MYO9B: variants seen among roughly 807,000 people sequenced by gnomAD.
MYO9B encodes the protein unconventional myosin-IXb.
In MYO9B, 71 loss-of-function variants were observed where a neutral mutation model predicts 229.5. That is an observed-to-expected ratio of 0.31 (90% CI 0.26 to 0.38). MYO9B has a LOEUF of 0.38. Ranked by LOEUF, MYO9B falls within the 10% of genes least tolerant of loss-of-function variation. The pLI, the probability that MYO9B is intolerant of heterozygous loss-of-function variation, is 1.00. For synonymous variants in MYO9B, 1,185 were observed against 1,235.8 expected, an observed-to-expected ratio of 0.96 and a Z score of 0.86; for missense variants, 2,255 against 2,920.5, an observed-to-expected ratio of 0.77 and a Z score of 5.25.
intron 1 of MYO9B, among the ~76,000 whole-genome samples, chr19:17,094,886 T>C (rs117773346): frequency 0.016 from 2,439 of 152,082 alleles, 32 homozygotes; most frequent in Non-Finnish European, 0.027. Context: ...GAGACTGCAG[T>C]GAGCCACAAT....
At chr19:17,123,382 A>G (rs1048832077) in intron 2 of MYO9B, among the ~76,000 whole-genome samples, 3 of 152,052 alleles carry the variant, frequency 2.0e-5, no homozygotes, top group South Asian at 2.1e-4. Context: ...GTGAATATCT[A>G]TGCACCAAAC....
Position 17,184,201 on chromosome 19 carries a change from G to T in MYO9B, c.2373+333G>T, listed in dbSNP as rs192880555. ...CAGCCTGGTCCCATGGGGAGCTCTAGTGGGTTCATAGCACCACAGAGCTCA... is the reference window on the plus strand; with the variant it reads ...CAGCCTGGTCCCATGGGGAGCTCTATTGGGTTCATAGCACCACAGAGCTCA... On this transcript the variant is annotated intron_variant, in intron 16 of 39. Coordinates refer to ENST00000682292, the MANE Select transcript of MYO9B (RefSeq NM_004145.4). Among the ~76,000 whole-genome samples, 926 of 152,282 alleles carry T rather than the reference G, an allele frequency of 6.1e-3. 18 individuals are homozygous for T. Among genetic ancestry groups the T allele is most frequent in the Admixed American group, 0.031 (478 of 15,278 alleles).
chr19:17,154,056 A>G lies in MYO9B; in HGVS notation c.1088A>G (p.Tyr363Cys), dbSNP rs1370351862. 6 of 1,611,904 alleles carry G rather than the reference A, an allele frequency of 3.7e-6. No individual in the cohort carries two copies. The highest frequency in any genetic ancestry group is 2.2e-5 in the East Asian group (1 of 44,852). The change falls in exon 5 of 40, where the codon TAC becomes TGC. Residue 363 changes from tyrosine to cysteine, a missense_variant. This residue lies in a region of MYO9B where 386 missense variants were observed against 515.2 expected (regional missense o/e 0.75). Transcript: ENST00000682292. ...CTCAAGCAGCCTGAAGATTATTTCT[A>G]CCTCAACCAGGTAAACAGCCTCAAG... is the stretch of plus-strand genomic sequence containing the variant. Reference protein sequence around the residue: ...FQLKQPEDYFYLNQHNLKIED... With the variant: ...FQLKQPEDYFCLNQHNLKIED...
Position 17,101,965 on chromosome 19 carries a change from C to T in MYO9B, c.248C>T (p.Ser83Leu), listed in dbSNP as rs773925620. The change falls in exon 2 of 40, where the codon TCG becomes TTG. Residue 83 changes from serine (S) to leucine (L), a missense_variant. Ser to Leu is a moderately radical substitution (Grantham distance 145). This residue lies in a region of MYO9B where 386 missense variants were observed against 515.2 expected (regional missense o/e 0.75). Coordinates refer to ENST00000682292, the MANE Select transcript of MYO9B (RefSeq NM_004145.4). The surrounding 1 kb of genome is among the most constrained non-coding windows in gnomAD (Gnocchi z 4.7). ...GEEWVLDAND[S>L]PVHRVLLWPR... ...GAATGGGTGCTGGACGCCAACGACT[C>T]GCCTGTGCACCGGGTGCTGCTATGG... The T allele has an allele frequency of 1.1e-5, 17 of 1,613,252 alleles. No homozygotes were observed. The East Asian group carries it at 1.8e-4, about 17-fold the overall frequency.
At chr19:17,206,514 C>A (rs1324959702) in intron 33 of MYO9B, 138 bp downstream of exon 33, 5 of 1,396,790 alleles carry the variant, frequency 3.6e-6, no homozygotes, top group East Asian at 2.5e-5. Flanking sequence ...CCAGCCAAAC[C>A]GGGTCCCCAG....
rs1568296974 is a variant in MYO9B at position 17,195,560 on chromosome 19, C to A, written c.4046+87C>A. On this transcript the variant is annotated intron_variant, in intron 22 of 39. Transcript: ENST00000682292. This position sits in a 1 kb window ranked among gnomAD's most constrained non-coding sequence, Gnocchi z 4.5. ...GGCAGTGCCACACATCCTGGAAACACATGTGTAATCATGCCCAGTGGGTGT... is the reference window on the plus strand; with the variant it reads ...GGCAGTGCCACACATCCTGGAAACAAATGTGTAATCATGCCCAGTGGGTGT... 2 of 1,452,406 alleles carry A rather than the reference C, an allele frequency of 1.4e-6. No homozygotes were observed. The highest frequency in any genetic ancestry group is 1.4e-5 in the African/African-American group (1 of 71,262). 90.0% of individuals were successfully genotyped at this position (1,452,406 alleles called of 1,614,324 possible).
intron 25 of MYO9B, 23 bp from the exon 26 acceptor site, chr19:17,200,616 G>T: frequency 6.3e-7 from 1 of 1,596,408 alleles, no homozygotes; most frequent in East Asian, 2.3e-5. Flanking sequence ...CACCCTCACC[G>T]GCTGCTTCCT....
chr19:17,203,810 CCT>C (rs916357720), intron 30 of MYO9B, among the ~76,000 whole-genome samples: 31 of 152,148 alleles, frequency 2.0e-4, no homozygotes, highest in African/African-American at 7.5e-4. Flanking sequence ...GTGGGCCCTG[CCT>C]CTCTGTCTCT....
chr19:17,076,033 G>A (rs1242802514), intron 1 of MYO9B, among the ~76,000 whole-genome samples, 159 bp downstream of exon 1: 1 of 151,970 alleles, frequency 6.6e-6, no homozygotes, highest in African/African-American at 2.4e-5. Context: ...TGCTGGGGAT[G>A]AGGTGGAAGC....
At chr19:17,081,527 GGCCTGGTGCAGTGGCTTAC>G (rs2057533687) in intron 1 of MYO9B, among the ~76,000 whole-genome samples, 2 of 152,242 alleles carry the variant, frequency 1.3e-5, no homozygotes, top group South Asian at 2.1e-4. Context: ...AGAGGTGAGA[GGCCTGGTGCAGTGGCTTAC>G]GCCTGTAATC....
chr19:17,108,232 G>C (rs186779017), intron 2 of MYO9B, among the ~76,000 whole-genome samples: 1 of 152,364 alleles, frequency 6.6e-6, no homozygotes, highest in Admixed American at 6.5e-5. Context: ...TTCTCCAGCG[G>C]TTCTAAGCCG....
intron 19 of MYO9B, among the ~76,000 whole-genome samples, chr19:17,189,240 C>G (rs1458642705): frequency 1.3e-5 from 2 of 151,838 alleles, no homozygotes; most frequent in Non-Finnish European, 2.9e-5. Flanking sequence ...GTGAGAAGAT[C>G]ACTTGAACCC....
chr19:17,156,245 T>C (rs898667764), intron 6 of MYO9B, among the ~76,000 whole-genome samples: 2 of 151,848 alleles, frequency 1.3e-5, no homozygotes, highest in Admixed American at 1.3e-4. Context: ...ACTTCTTTTT[T>C]CTTTTGTGAG....
At chr19:17,083,260 G>A (rs889979416) in intron 1 of MYO9B, among the ~76,000 whole-genome samples, 1 of 151,966 alleles carries the variant, frequency 6.6e-6, no homozygotes, top group Non-Finnish European at 1.5e-5. Context: ...TGAACTCCTG[G>A]GCTCAAGTGA....
At chr19:17,174,406 C>A (rs113142715) in intron 13 of MYO9B, among the ~76,000 whole-genome samples, 9,539 of 151,722 alleles carry the variant, frequency 0.063, 391 homozygotes, top group Non-Finnish European at 0.094. Context: ...GGGAGGCTGA[C>A]GCAGACGATC....
At chr19:17,151,314 C>T (rs10425285) in intron 3 of MYO9B, among the ~76,000 whole-genome samples, 9,735 of 151,050 alleles carry the variant, frequency 0.064, 484 homozygotes, top group African/African-American at 0.14. Flanking sequence ...GATAAATAAA[C>T]GGCAGAACAC....
At chr19:17,209,900 C>T (rs1174860973) in intron 36 of MYO9B, among the ~76,000 whole-genome samples, 191 bp downstream of exon 36, 1 of 151,944 alleles carries the variant, frequency 6.6e-6, no homozygotes, top group Non-Finnish European at 1.5e-5. Context: ...GGTAGCAGGG[C>T]GGGGCCTCCC....
chr19:17,152,724 C>T lies in MYO9B; in HGVS notation c.998+18C>T. The T allele has an allele frequency of 6.2e-7, 1 of 1,603,326 alleles. No homozygotes were observed. Among genetic ancestry groups the T allele is most frequent in the Non-Finnish European group, 8.5e-7 (1 of 1,172,224 alleles). On this transcript the variant is annotated intron_variant, in intron 4 of 39. Transcript: ENST00000682292. ...GATGAGAGGTAGGAGAATGTTTTCCCAGGAATCTCTGAATGCCACGCCATG... is the reference window on the plus strand; with the variant it reads ...GATGAGAGGTAGGAGAATGTTTTCCTAGGAATCTCTGAATGCCACGCCATG...
chr19:17,173,341 CTT>C (rs1257704640), intron 13 of MYO9B, among the ~76,000 whole-genome samples: 3 of 130,654 alleles, frequency 2.3e-5, no homozygotes, highest in Non-Finnish European at 3.1e-5. Context: ...CTCTCTCTCT[CTT>C]GCCCAGGCTC....
Sources: gnomAD v4.1 joint callset for allele counts (sites outside exome capture counted in the v4.1 genomes callset) on GRCh38, gnomAD v4.1.1 for gene constraint, gnomAD v4.1.1 regional missense constraint, Gnocchi (gnomAD v3.1) non-coding constraint, MANE v1.5 for transcripts, NCBI Gene and HGNC (gene_info 2026-07-23, HGNC 2026-07-21) for gene names.